The following RDH13 variants were observed in gnomAD, a reference collection of about 807,000 sequenced individuals.
RDH13 encodes retinol dehydrogenase 13 (all-trans and 9-cis).
RDH13 carries 35 observed loss-of-function variants against 28.3 expected under a neutral mutation model. That is an observed-to-expected ratio of 1.24 (90% confidence interval 0.95 to 1.64). The LOEUF is 1.64. Among genes scored for constraint, RDH13 ranks in the 40% most tolerant of loss-of-function variants. The pLI is 0.00. For missense variants in RDH13, 514 were observed against 446.3 expected (o/e 1.15, Z -1.37); for synonymous variants, 229 against 198.5 (o/e 1.15, Z -1.29).
chr19:55,048,396 T>C lies in RDH13; in HGVS notation c.591A>G (p.Lys197=). The stretch of plus-strand genomic sequence containing the variant: ...CGAGCTTGCTCTGGCAGTAGGCGGC[T>C]TTGGTGTTATACTTCCTCGTCTGCC... The part of the protein sequence containing the change: ...LNWQTRKYNT[K]AAYCQSKLAI... The change falls in exon 5 of 7, where the codon AAA becomes AAG. Residue 197 remains lysine, a synonymous_variant. Coordinates refer to ENST00000415061, the MANE Select transcript of RDH13 (RefSeq NM_001145971.2). The C allele has an allele frequency of 6.2e-7, 1 of 1,614,138 alleles. No homozygotes were observed. Among genetic ancestry groups the C allele is most frequent in the Non-Finnish European group, 8.5e-7 (1 of 1,180,026 alleles).
upstream of RDH13, chr19:55,063,382 A>C: frequency 3.4e-6 from 1 of 295,894 alleles, no homozygotes; most frequent in Non-Finnish European, 6.2e-6. Flanking sequence ...CTGGAGTGAA[A>C]TAGGTTCGAA....
rs1001679851 is a variant in RDH13, at chr19:55,044,733, G to A, written c.*341C>T. The A allele has an allele frequency of 9.0e-6, 3 of 334,730 alleles. No homozygotes were observed. The highest frequency in any genetic ancestry group is 6.3e-5 in the African/African-American group (3 of 47,338). 20.7% of individuals were successfully genotyped at this position (334,730 alleles called of 1,614,324 possible). ...CCCATGCTCTTCACGGAGCACCTTG[G>A]AACCCTCCCCGACAGGCACCGCTGG... On this transcript the variant is annotated 3_prime_UTR_variant, in exon 7 of 7. Coordinates refer to ENST00000415061, the MANE Select transcript of RDH13 (RefSeq NM_001145971.2).
intron 3 of RDH13, among the ~76,000 whole-genome samples, chr19:55,055,144 T>C (rs10424969): frequency 6.6e-6 from 1 of 151,866 alleles, no homozygotes; most frequent in Non-Finnish European, 1.5e-5. Context: ...CAGATCAAAG[T>C]TGTTTAGTTC....
At position 55,056,809 on chromosome 19, in the gene RDH13, C is replaced by A. The variant is rs758761563; in HGVS notation, c.185-1G>T. 1 of 1,613,324 alleles carries A rather than the reference C, an allele frequency of 6.2e-7. No individual in the cohort carries two copies. Among genetic ancestry groups the A allele is most frequent in the South Asian group, 1.1e-5 (1 of 90,988 alleles). ...CGGCAGGCCAGGATGATGTTGCCTC[C>A]TGAAAACCCAGGATGGAAAAAGATT... On this transcript the variant is annotated splice_acceptor_variant, in intron 2 of 6. Coordinates refer to ENST00000415061, the MANE Select transcript of RDH13 (RefSeq NM_001145971.2). LOFTEE classifies it high-confidence loss of function.
At chr19:55,061,933 C>T (rs1490978289) in intron 1 of RDH13, among the ~76,000 whole-genome samples, 1 of 152,110 alleles carries the variant, frequency 6.6e-6, no homozygotes, top group Admixed American at 6.5e-5. Context: ...GCCTGACCAA[C>T]ATGGAGAAAC....
chr19:55,053,335 A>C (rs557419407), intron 3 of RDH13, among the ~76,000 whole-genome samples: 42 of 152,130 alleles, frequency 2.8e-4, no homozygotes, highest in African/African-American at 1.0e-3. Context: ...TGATTTGCTA[A>C]AAAAGTCACA....
intron 2 of RDH13, among the ~76,000 whole-genome samples, chr19:55,057,647 A>T (rs1220067909): frequency 6.6e-6 from 1 of 151,752 alleles, no homozygotes; most frequent in African/African-American, 2.4e-5. Flanking sequence ...CATGTTAGCC[A>T]AGCTAGTCTT....
At chr19:55,048,818 A>T in intron 3 of RDH13, 55 bp from the exon 4 acceptor site, 1 of 1,432,386 alleles carries the variant, frequency 7.0e-7, no homozygotes, top group Non-Finnish European at 9.8e-7. Context: ...CCCCAGCCTG[A>T]TGCACCAGCA....
At chr19:55,047,978 C>G in intron 5 of RDH13, 1 of 1,185,910 alleles carries the variant, frequency 8.4e-7, no homozygotes, top group Non-Finnish European at 1.1e-6. Flanking sequence ...CTCCCCAAGC[C>G]AGCTGTGATC....
intron 3 of RDH13, chr19:55,050,700 C>T (rs10418948): frequency 0.12 from 18,736 of 152,216 alleles, 1,473 homozygotes; most frequent in East Asian, 0.21. Flanking sequence ...AAACACCCAC[C>T]TCTAAATGAA....
rs1433616948 is a variant in RDH13, at chr19:55,054,717, T to C, written c.340+1936A>G. ...CTGAGTAGCTGGGACTGTAGGCACA[T>C]GCCAGGATGCCCGGCTAATTTTTTT... On this transcript the variant is annotated intron_variant, in intron 3 of 6. Transcript: ENST00000415061. Among the ~76,000 whole-genome samples the C allele has an allele frequency of 2.0e-5, 3 of 149,116 alleles. No individual in the cohort carries two copies. The Admixed American group carries it at 2.1e-4, about 10-fold the overall frequency.
chr19:55,058,741 C>T (rs986168985), intron 2 of RDH13, among the ~76,000 whole-genome samples: 7 of 152,076 alleles, frequency 4.6e-5, no homozygotes, highest in Admixed American at 1.3e-4. Flanking sequence ...AGTGCCGTGG[C>T]GCCATCTCTG....
In RDH13 at chr19:55,056,683, T is replaced by C. The variant is rs757121865; in HGVS notation, c.310A>G (p.Ile104Val). The part of the protein sequence containing the change: ...RHLDLASLKS[I>V]REFAAKIIEE... ...ATGATCTTTGCTGCAAACTCTCGGATAGACTTGAGGGAAGCCAAGTCCAGG... is the reference window on the plus strand; with the variant it reads ...ATGATCTTTGCTGCAAACTCTCGGACAGACTTGAGGGAAGCCAAGTCCAGG... The change falls in exon 3 of 7, where the codon ATC (isoleucine) becomes GTC (valine). Residue 104 changes from isoleucine (I) to valine (V), a missense_variant. Physicochemically the swap from Ile to Val is conservative, Grantham distance 29. Coordinates refer to ENST00000415061, the MANE Select transcript of RDH13 (RefSeq NM_001145971.2). The C allele has an allele frequency of 4.9e-5, 79 of 1,613,920 alleles. 1 individual carries two copies. The highest frequency in any genetic ancestry group is 2.0e-4 in the African/African-American group (15 of 74,870).
intron 6 of RDH13, 115 bp downstream of exon 6, chr19:55,047,272 G>A (rs568224939): frequency 3.2e-5 from 48 of 1,477,134 alleles, no homozygotes; most frequent in Non-Finnish European, 4.0e-5. Context: ...AGACGTAGGC[G>A]AGGAGCAGGC....
chr19:55,050,102 C>G (rs2075379235), intron 3 of RDH13, among the ~76,000 whole-genome samples: 2 of 104,688 alleles, frequency 1.9e-5, no homozygotes, highest in Non-Finnish European at 4.2e-5. Flanking sequence ...AATTTCACTG[C>G]CCCCAGCCTA....
Position 55,044,822 on chromosome 19 carries a change from T to C in RDH13, c.*252A>G. 6.5e-6 allele frequency: 3 copies of C among 463,164 alleles called. No individual in the cohort carries two copies. The highest frequency in any genetic ancestry group is 1.1e-5 in the Non-Finnish European group (3 of 264,684). The allele number at this position is 463,164 out of a possible 1,614,324, so 28.7% of individuals were successfully genotyped here. On this transcript the variant is annotated 3_prime_UTR_variant, in exon 7 of 7. Transcript: ENST00000415061. ...CTCCTCGGCCATTCCCAGTTTAGAT[T>C]CCCAGGGGAAGCATCAGATGGCCCC... is the stretch of plus-strand genomic sequence containing the variant.
intron 1 of RDH13, among the ~76,000 whole-genome samples, chr19:55,060,167 G>C (rs1039962897): frequency 7.2e-6 from 1 of 138,922 alleles, no homozygotes; most frequent in African/African-American, 2.7e-5. Flanking sequence ...AAAGCCTCTT[G>C]CAGTTGAGAG....
intron 3 of RDH13, among the ~76,000 whole-genome samples, chr19:55,051,736 T>TTTTTTC (rs2075444989): frequency 6.6e-6 from 1 of 151,310 alleles, no homozygotes; most frequent in Non-Finnish European, 1.5e-5. Context: ...CCTGTTTTTT[T>TTTTTTC]TTTTTTCTTT....
intron 3 of RDH13, among the ~76,000 whole-genome samples, chr19:55,051,806 C>T (rs188551520): frequency 4.1e-4 from 62 of 151,758 alleles, no homozygotes; most frequent in African/African-American, 1.5e-3. Flanking sequence ...GATCTCAGCT[C>T]ACAGCAACCT....
Sources: allele counts gnomAD v4.1 joint callset (sites outside exome capture counted in the v4.1 genomes callset), GRCh38; gene constraint gnomAD v4.1.1; transcripts MANE v1.5; gene names NCBI Gene and HGNC (gene_info 2026-07-23, HGNC 2026-07-21).